PCCB: variants seen among roughly 807,000 people sequenced by gnomAD.
PCCB encodes propionyl-CoA carboxylase beta chain, mitochondrial.
In PCCB, 43 loss-of-function variants were observed where a neutral mutation model predicts 60.7. The ratio of observed to expected loss-of-function variants is 0.71; its 90% CI spans 0.55 to 0.91. The LOEUF is 0.91. Among genes scored for constraint, PCCB ranks in the 40% least tolerant of loss-of-function variants. The pLI, the probability that PCCB is intolerant of heterozygous loss-of-function variation, is 0.00. For synonymous variants in PCCB, 276 were observed against 255.9 expected, an observed-to-expected ratio of 1.08 and a Z score of -0.75; for missense variants, 766 against 702.8, an observed-to-expected ratio of 1.09 and a Z score of -1.02.
chr3:136,293,489 G>A (rs1381544531), intron 6 of PCCB, among the ~76,000 whole-genome samples: 1 of 152,186 alleles, frequency 6.6e-6, no homozygotes, highest in African/African-American at 2.4e-5. Flanking sequence ...CTGTTACTGT[G>A]TTCTACAGAT....
chr3:136,257,005 C>G (rs1179772096), intron 3 of PCCB, among the ~76,000 whole-genome samples: 1 of 152,168 alleles, frequency 6.6e-6, no homozygotes, highest in Non-Finnish European at 1.5e-5. Context: ...ACTCTCAGAA[C>G]CAGAGTCCCC....
chr3:136,305,923 G>GA (rs1934440742), intron 9 of PCCB, among the ~76,000 whole-genome samples: 1 of 120,462 alleles, frequency 8.3e-6, no homozygotes, highest in African/African-American at 2.5e-5. Flanking sequence ...ATTGTGAAGG[G>GA]AAAATGAAGC....
intron 5 of PCCB, among the ~76,000 whole-genome samples, chr3:136,270,968 ACT>A (rs1175935007): frequency 6.6e-6 from 1 of 151,988 alleles, no homozygotes; most frequent in Non-Finnish European, 1.5e-5. Context: ...TCCTTTGCCT[ACT>A]TTTTGATGGG....
intron 10 of PCCB, among the ~76,000 whole-genome samples, chr3:136,317,809 C>A (rs1011678514): frequency 6.6e-6 from 1 of 152,156 alleles, no homozygotes; most frequent in Non-Finnish European, 1.5e-5. Flanking sequence ...CATGTCTGTG[C>A]CCCACAGCTT....
chr3:136,291,767 C>T (rs536616780), intron 6 of PCCB, among the ~76,000 whole-genome samples: 1 of 152,298 alleles, frequency 6.6e-6, no homozygotes, highest in African/African-American at 2.4e-5. Context: ...GAATGATGCT[C>T]TCGTGCGTTT....
intron 3 of PCCB, among the ~76,000 whole-genome samples, chr3:136,257,276 A>G (rs1320277286): frequency 6.6e-6 from 1 of 152,150 alleles, no homozygotes; most frequent in Non-Finnish European, 1.5e-5. Context: ...TGAGAAGGAC[A>G]TGATCTGCAG....
chr3:136,262,142 C>T (rs1941845249), intron 5 of PCCB, 77 bp downstream of exon 5: 1 of 881,806 alleles, frequency 1.1e-6, no homozygotes, highest in African/African-American at 1.7e-5. Context: ...AGAGCTTCTC[C>T]AACTCTCCTC....
At chr3:136,291,603 G>C (rs552038358) in intron 6 of PCCB, among the ~76,000 whole-genome samples, 1 of 152,290 alleles carries the variant, frequency 6.6e-6, no homozygotes, top group South Asian at 2.1e-4. Flanking sequence ...GGTGGCTAGA[G>C]CGGGTTGGGG....
At chr3:136,262,098 A>T in intron 5 of PCCB, 33 bp downstream of exon 5, 1 of 1,362,212 alleles carries the variant, frequency 7.3e-7, no homozygotes, top group Non-Finnish European at 1.0e-6. Flanking sequence ...ATAAAAAAAT[A>T]CAGGGCTTAA....
At chr3:136,286,877 A>G (rs1325489809) in intron 6 of PCCB, among the ~76,000 whole-genome samples, 1 of 151,932 alleles carries the variant, frequency 6.6e-6, no homozygotes, top group Non-Finnish European at 1.5e-5. Context: ...CTAAAAATAC[A>G]AAAATTAGCC....
chr3:136,291,560 G>C (rs371566268), intron 6 of PCCB, among the ~76,000 whole-genome samples: 1 of 152,136 alleles, frequency 6.6e-6, no homozygotes, highest in African/African-American at 2.4e-5. Context: ...TGAATGTCAT[G>C]TGTCTCAGTC....
At chr3:136,292,164 A>T (rs1489113222) in intron 6 of PCCB, among the ~76,000 whole-genome samples, 1 of 151,364 alleles carries the variant, frequency 6.6e-6, no homozygotes, top group African/African-American at 2.4e-5. Flanking sequence ...TCAGCTTTTT[A>T]TTTGTTAAGA....
intron 3 of PCCB, chr3:136,260,151 G>A (rs189540013): frequency 4.0e-4 from 167 of 421,016 alleles, no homozygotes; most frequent in Non-Finnish European, 3.0e-4. Context: ...TCAACTCACT[G>A]AAGCCTCTGT....
intron 3 of PCCB, chr3:136,259,083 A>G: frequency 8.1e-7 from 1 of 1,234,488 alleles, no homozygotes; most frequent in Non-Finnish European, 1.0e-6. Context: ...TGCCCACAAT[A>G]AGCCCTTTAC....
At chr3:136,316,844 C>T (rs1472823311) in intron 9 of PCCB, 97 bp from the exon 10 acceptor site, 19 of 1,421,314 alleles carry the variant, frequency 1.3e-5, no homozygotes, top group Non-Finnish European at 1.8e-5. Context: ...CTACCTCTAC[C>T]TCTGTAATTC....
intron 5 of PCCB, among the ~76,000 whole-genome samples, chr3:136,274,438 A>G (rs967265694): frequency 6.6e-6 from 1 of 152,196 alleles, no homozygotes; most frequent in Non-Finnish European, 1.5e-5. Context: ...TAAGGAGGCT[A>G]AAGATAGAAC....
At chr3:136,302,121 G>A (rs1392370470) in intron 9 of PCCB, among the ~76,000 whole-genome samples, 2 of 152,204 alleles carry the variant, frequency 1.3e-5, no homozygotes, top group Non-Finnish European at 2.9e-5. Context: ...CAGTCAGCAA[G>A]CACAGATTCT....
Position 136,250,554 on chromosome 3 carries a change from A to T in PCCB, c.179A>T (p.Lys60Met). ...GGQRRIDAQH[K>M]RGKLTARERI... ...CAACGCCGTATTGACGCGCAGCACA[A>T]GCGAGTGAGTCCTGAGGGGCCTAAG... The change falls in exon 1 of 15, where the codon AAG becomes ATG. Residue 60 changes from lysine to methionine, a missense_variant. Transcript: ENST00000251654. 2 of 1,611,916 alleles carry T rather than the reference A, an allele frequency of 1.2e-6. No homozygotes were observed. The highest frequency in any genetic ancestry group is 1.7e-6 in the Non-Finnish European group (2 of 1,179,502).
At chr3:136,264,112 T>C (rs1286092199) in intron 5 of PCCB, among the ~76,000 whole-genome samples, 2 of 152,150 alleles carry the variant, frequency 1.3e-5, no homozygotes, top group Non-Finnish European at 2.9e-5. Flanking sequence ...TTACATTTTC[T>C]CCATTTGTTC....
Sources: gnomAD v4.1 joint callset for allele counts (sites outside exome capture counted in the v4.1 genomes callset) on GRCh38, gnomAD v4.1.1 for gene constraint, MANE v1.5 for transcripts, NCBI Gene and HGNC (gene_info 2026-07-23, HGNC 2026-07-21) for gene names.